AHCY: variants seen among roughly 807,000 people sequenced by gnomAD.
AHCY encodes the protein adenosylhomocysteinase, also known as S-adenosyl-L-homocysteine hydrolase.
AHCY carries 24 observed loss-of-function variants against 45.4 expected under a neutral mutation model. The ratio of observed to expected loss-of-function variants is 0.53; its 90% confidence interval spans 0.38 to 0.74. The LOEUF is 0.74. Among genes scored for constraint, AHCY ranks in the 30% least tolerant of loss-of-function variants. The pLI is 0.00. For missense variants in AHCY, 449 were observed against 594.1 expected (o/e 0.76, Z 2.54); for synonymous variants, 245 against 235.1 (o/e 1.04, Z -0.39).
At chr20:34,279,314 G>A (rs541135471), downstream of AHCY, among the ~76,000 whole-genome samples, 57 of 151,584 alleles carry the variant, frequency 3.8e-4, no homozygotes, top group African/African-American at 1.1e-3. Context: ...CCAGCTACTC[G>A]GGAGGCTGAG....
At chr20:34,254,090 T>A in the AHCY span, among the ~76,000 whole-genome samples, 21 of 151,516 alleles carry the variant, frequency 1.4e-4, no homozygotes, top group Non-Finnish European at 2.1e-4. Context: ...TGAGACAGAG[T>A]CTTACTCTGT....
At chr20:34,306,337 A>G (rs2036895905), upstream of AHCY, among the ~76,000 whole-genome samples, 1 of 151,190 alleles carries the variant, frequency 6.6e-6, no homozygotes, top group Non-Finnish European at 1.5e-5. Flanking sequence ...ATATATTGCA[A>G]TTGATATAGC....
the AHCY span, among the ~76,000 whole-genome samples, chr20:34,268,758 C>A: frequency 8.0e-5 from 12 of 150,036 alleles, no homozygotes; most frequent in East Asian, 2.0e-4. Flanking sequence ...AACAAACAAA[C>A]AAAAAAAACA....
chr20:34,274,487 C>A, the AHCY span, among the ~76,000 whole-genome samples: 6 of 152,128 alleles, frequency 3.9e-5, no homozygotes, highest in African/African-American at 1.2e-4. Flanking sequence ...GTGTACCCAA[C>A]AGACTCCCCA....
At chr20:34,278,898 T>TA (rs998321879), downstream of AHCY, among the ~76,000 whole-genome samples, 4 of 149,550 alleles carry the variant, frequency 2.7e-5, no homozygotes, top group Non-Finnish European at 4.4e-5. Context: ...CACCTGAGGT[T>TA]AGGAGTTCAA....
exon 1 of AHCY, chr20:34,311,642 T>G (rs1201112628): frequency 6.6e-6 from 1 of 152,514 alleles, no homozygotes; most frequent in African/African-American, 2.4e-5. Context: ...TCACTCTGGA[T>G]TAACTGGAGG....
the AHCY span, among the ~76,000 whole-genome samples, chr20:34,248,808 G>C: frequency 6.6e-6 from 1 of 150,860 alleles, no homozygotes; most frequent in Admixed American, 6.6e-5. Context: ...TATAAAAACA[G>C]AAAGAAAGAA....
the AHCY span, among the ~76,000 whole-genome samples, chr20:34,238,103 A>G: frequency 6.6e-6 from 1 of 152,130 alleles, no homozygotes; most frequent in East Asian, 1.9e-4. Context: ...CAAAAGTTTG[A>G]TTATACCGTA....
chr20:34,297,269 C>T (rs924239182), intron 1 of AHCY, among the ~76,000 whole-genome samples: 2 of 151,990 alleles, frequency 1.3e-5, no homozygotes, highest in African/African-American at 4.8e-5. Flanking sequence ...ACAACCCCAC[C>T]AAGACATCAT....
At chr20:34,281,237 TAGAGGCAGA>T (rs2035993186) in intron 9 of AHCY, 72 bp from the exon 10 acceptor site, 3 of 1,596,954 alleles carry the variant, frequency 1.9e-6, no homozygotes, top group Non-Finnish European at 2.6e-6. Flanking sequence ...TGGCTGCCAA[TAGAGGCAGA>T]AGTGTTCTGT....
chr20:34,283,660 AC>A (rs1209892153), intron 9 of AHCY, among the ~76,000 whole-genome samples: 1 of 152,186 alleles, frequency 6.6e-6, no homozygotes, highest in Non-Finnish European at 1.5e-5. Context: ...ATTTCTCCCA[AC>A]TGGGATTAGA....
chr20:34,308,054 G>T (rs1224313875), upstream of AHCY, among the ~76,000 whole-genome samples: 2 of 151,976 alleles, frequency 1.3e-5, no homozygotes, highest in African/African-American at 2.4e-5. Flanking sequence ...GCTGTATTTG[G>T]TTTTCTGTTC....
At chr20:34,291,658 C>T in intron 4 of AHCY, 127 bp from the exon 5 acceptor site, 2 of 850,630 alleles carry the variant, frequency 2.4e-6, no homozygotes, top group South Asian at 1.4e-5. Context: ...CCCACAGGCC[C>T]CCCAATCACC....
rs115580216 is a variant in AHCY at position 34,286,925 on chromosome 20, G to A, written c.973-1291C>T. On this transcript the variant is annotated intron_variant, in intron 8 of 9. Coordinates refer to ENST00000217426, the MANE Select transcript of AHCY (RefSeq NM_000687.4). ...CCCACAGTGTGGCTCCCAGGTGACT[G>A]CCAAGGTTGAGAACTCCCGGTTTAG... Among the ~76,000 whole-genome samples, 461 of 150,732 alleles carry A rather than the reference G, an allele frequency of 3.1e-3. 3 individuals are homozygous for A. The highest frequency in any genetic ancestry group is 0.011 in the African/African-American group (443 of 41,114).
the AHCY span, chr20:34,269,451 T>C: frequency 0.049 from 21,168 of 431,344 alleles, 4,023 homozygotes; most frequent in African/African-American, 0.4. Context: ...CGTCCCAGCC[T>C]CACAGCTGCA....
the AHCY span, among the ~76,000 whole-genome samples, chr20:34,260,917 T>C: frequency 1.3e-5 from 2 of 152,178 alleles, no homozygotes; most frequent in African/African-American, 4.8e-5. Flanking sequence ...GGGTTGGGAA[T>C]GAAGGCTCAG....
chr20:34,291,547 C>T lies in AHCY; in HGVS notation c.446-16G>A, dbSNP rs766764143. 2 of 1,606,314 alleles carry T rather than the reference C, an allele frequency of 1.2e-6. No individual in the cohort carries two copies. The highest frequency in any genetic ancestry group is 8.5e-7 in the Non-Finnish European group (1 of 1,172,960). ...CCTCGGATGCCTAAACAAGAGGGGA[C>T]AGGACAAGCCTCAGAGATGCCACAC... On this transcript the variant is annotated splice_polypyrimidine_tract_variant and intron_variant, in intron 4 of 9. Transcript: ENST00000217426.
the AHCY span, among the ~76,000 whole-genome samples, chr20:34,254,069 C>T: frequency 3.3e-5 from 5 of 151,326 alleles, no homozygotes; most frequent in East Asian, 1.9e-4. Flanking sequence ...TGTTTTGTTT[C>T]GTTTTTTTTT....
intron 1 of AHCY, 76 bp downstream of exon 1, chr20:34,303,167 C>A: frequency 1.3e-6 from 2 of 1,546,146 alleles, no homozygotes; most frequent in Non-Finnish European, 1.7e-6. Context: ...CCCGAGTCGG[C>A]CCTGCAGCCC....
Sources: gnomAD v4.1 joint callset for allele counts (sites outside exome capture counted in the v4.1 genomes callset) on GRCh38, gnomAD v4.1.1 for gene constraint, MANE v1.5 for transcripts, NCBI Gene and HGNC (gene_info 2026-07-23, HGNC 2026-07-21) for gene names.